MAGI3: variants seen among roughly 807,000 people sequenced by gnomAD.
MAGI3 encodes the protein membrane associated guanylate kinase, WW and PDZ domain containing 3.
Under a neutral mutation model 121.8 loss-of-function variants are expected in MAGI3, and 43 were observed. The ratio of observed to expected loss-of-function variants is 0.35; its 90% confidence interval spans 0.28 to 0.46. MAGI3 has a LOEUF of 0.46. MAGI3 is among the 20% of genes least tolerant of loss of function. MAGI3 has a pLI of 1.00. For missense variants in MAGI3, 1,547 were observed against 1,797.3 expected (o/e 0.86, Z 2.52); for synonymous variants, 553 against 639.3 (o/e 0.86, Z 2.04).
In MAGI3 at chr1:113,515,068, G is replaced by T. The variant is rs1373789272; in HGVS notation, c.317-34447G>T. ...AGCTTTTTGAATAGATGTTGATTTT[G>T]GTTTCTGAATAAAAGTTTCTCTTGT... On this transcript the variant is annotated intron_variant, in intron 1 of 20. Coordinates refer to ENST00000307546, the MANE Select transcript of MAGI3 (RefSeq NM_001142782.2). Among the ~76,000 whole-genome samples the T allele has an allele frequency of 2.0e-5, 3 of 152,060 alleles. No homozygotes were observed. In the East Asian group the frequency reaches 5.8e-4, roughly 29 times the overall value.
chr1:113,514,584 A>G (rs1311469519), intron 1 of MAGI3, among the ~76,000 whole-genome samples: 1 of 151,068 alleles, frequency 6.6e-6, no homozygotes, highest in Non-Finnish European at 1.5e-5. Flanking sequence ...AAGAGATCAC[A>G]TGGACACAGG....
chr1:113,511,076 A>G (rs888592381), intron 1 of MAGI3, among the ~76,000 whole-genome samples: 1 of 152,224 alleles, frequency 6.6e-6, no homozygotes, highest in East Asian at 1.9e-4. Context: ...GGGACTTGAC[A>G]TGTGGTAGGT....
chr1:113,436,774 T>C (rs371101961), intron 1 of MAGI3, among the ~76,000 whole-genome samples: 1 of 152,170 alleles, frequency 6.6e-6, no homozygotes, highest in Admixed American at 6.5e-5. Context: ...ACAATTCTGT[T>C]ATTCTGTTTT....
chr1:113,672,804 G>T (rs1647641634), intron 18 of MAGI3, 63 bp downstream of exon 18: 2 of 1,532,302 alleles, frequency 1.3e-6, no homozygotes, highest in Non-Finnish European at 1.8e-6. Context: ...TGGCATTGGT[G>T]AATTTTTATT....
intron 2 of MAGI3, among the ~76,000 whole-genome samples, chr1:113,562,174 G>A (rs1170361839): frequency 3.3e-5 from 5 of 152,226 alleles, no homozygotes; most frequent in Non-Finnish European, 7.3e-5. Flanking sequence ...GGGAGGCCAA[G>A]GCGGGCAGAT....
chr1:113,390,892 T>G lies in MAGI3; in HGVS notation c.-142T>G. On this transcript the variant is annotated 5_prime_UTR_variant, in exon 1 of 21. Transcript: ENST00000307546. Reference sequence around the variant, plus strand: ...GAACGGCCGGGCCCCCAGCGGGCTGTGGTCGCGGGGTGGGGGCCGGAGCGG... The same window carrying G: ...GAACGGCCGGGCCCCCAGCGGGCTGGGGTCGCGGGGTGGGGGCCGGAGCGG... 1 of 452,588 alleles carries G rather than the reference T, an allele frequency of 2.2e-6. No homozygotes were observed. Among genetic ancestry groups the G allele is most frequent in the Non-Finnish European group, 3.3e-6 (1 of 300,290 alleles). The allele number at this position is 452,588 out of a possible 1,614,324, so 28.0% of individuals were successfully genotyped here.
At position 113,391,968 on chromosome 1, in the gene MAGI3, T is replaced by C. The variant is rs1197576035; in HGVS notation, c.316+619T>C. ...TCTTGCAGGGAGCTGTTGAATAGAG[T>C]CTGGGTTTTGCAGGAAGACCTAGGT... On this transcript the variant is annotated intron_variant, in intron 1 of 20. Coordinates refer to ENST00000307546, the MANE Select transcript of MAGI3 (RefSeq NM_001142782.2). The surrounding 1 kb of genome is among the most constrained non-coding windows in gnomAD (Gnocchi z 4.4). Among the ~76,000 whole-genome samples, 1 of 152,110 alleles carries C rather than the reference T, an allele frequency of 6.6e-6. No homozygotes were observed. Among genetic ancestry groups the C allele is most frequent in the Non-Finnish European group, 1.5e-5 (1 of 68,028 alleles).
intron 1 of MAGI3, among the ~76,000 whole-genome samples, chr1:113,423,261 G>GT (rs895681717): frequency 2.1e-5 from 3 of 140,872 alleles, no homozygotes; most frequent in Non-Finnish European, 3.1e-5. Context: ...TTTTTTTTTG[G>GT]GGGGGGGGTT....
intron 1 of MAGI3, among the ~76,000 whole-genome samples, chr1:113,423,200 A>G (rs1454911667): frequency 6.8e-6 from 1 of 146,992 alleles, no homozygotes; most frequent in African/African-American, 2.5e-5. Flanking sequence ...AAGAGACCCA[A>G]AGCGCGTAGT....
intron 1 of MAGI3, among the ~76,000 whole-genome samples, chr1:113,521,237 C>G (rs998101962): frequency 1.3e-5 from 2 of 151,664 alleles, no homozygotes; most frequent in Admixed American, 1.3e-4. Flanking sequence ...AGGTGCCCAC[C>G]ACCACACTCA....
chr1:113,588,226 T>C (rs1648494138), intron 4 of MAGI3, among the ~76,000 whole-genome samples: 1 of 152,088 alleles, frequency 6.6e-6, no homozygotes, highest in Non-Finnish European at 1.5e-5. Flanking sequence ...ACTCAGGATA[T>C]CTGGGAGAAG....
At chr1:113,581,395 T>C (rs1648015905) in intron 3 of MAGI3, among the ~76,000 whole-genome samples, 1 of 152,138 alleles carries the variant, frequency 6.6e-6, no homozygotes, top group African/African-American at 2.4e-5. Flanking sequence ...GAATTCAGCG[T>C]ATCTAAATAT....
intron 7 of MAGI3, among the ~76,000 whole-genome samples, chr1:113,616,475 T>C (rs1048501516): frequency 1.3e-5 from 2 of 152,212 alleles, no homozygotes; most frequent in African/African-American, 2.4e-5. Context: ...TTGGCTCTCT[T>C]AGTTTGTCAA....
chr1:113,397,059 T>C (rs1036589911), intron 1 of MAGI3, among the ~76,000 whole-genome samples: 2 of 152,178 alleles, frequency 1.3e-5, no homozygotes, highest in African/African-American at 4.8e-5. Flanking sequence ...AGCCCTTAAA[T>C]TGTGCATAAA....
intron 1 of MAGI3, among the ~76,000 whole-genome samples, chr1:113,430,253 A>T (rs11102630): frequency 0.24 from 36,778 of 152,084 alleles, 5,111 homozygotes; most frequent in East Asian, 0.63. Context: ...AATTACATAC[A>T]GCTCTATCAT....
intron 6 of MAGI3, among the ~76,000 whole-genome samples, chr1:113,612,731 A>G (rs1448095950): frequency 6.6e-6 from 1 of 152,242 alleles, no homozygotes; most frequent in African/African-American, 2.4e-5. Context: ...TCCTAAAGAA[A>G]GGACTGTTAA....
intron 2 of MAGI3, among the ~76,000 whole-genome samples, chr1:113,577,512 A>G (rs1024318320): frequency 6.6e-6 from 1 of 152,008 alleles, no homozygotes; most frequent in African/African-American, 2.4e-5. Context: ...TATAAAATAT[A>G]CAGTATTAGG....
intron 2 of MAGI3, among the ~76,000 whole-genome samples, chr1:113,554,254 G>A (rs1659896700): frequency 6.6e-6 from 1 of 151,706 alleles, no homozygotes; most frequent in Non-Finnish European, 1.5e-5. Context: ...TCAACATAAT[G>A]AAGAGAAAAA....
intron 19 of MAGI3, among the ~76,000 whole-genome samples, chr1:113,676,840 C>T (rs143501635): frequency 3.1e-4 from 47 of 152,212 alleles, no homozygotes; most frequent in African/African-American, 1.1e-3. Flanking sequence ...GTATCTCCAG[C>T]ACCTGATATG....
Sources: allele counts gnomAD v4.1 joint callset (sites outside exome capture counted in the v4.1 genomes callset), GRCh38; gene constraint gnomAD v4.1.1; non-coding constraint Gnocchi (gnomAD v3.1); transcripts MANE v1.5; gene names NCBI Gene and HGNC (gene_info 2026-07-23, HGNC 2026-07-21).